Variants in RBFOX1 observed in about 807,000 individuals in gnomAD.
RBFOX1 encodes the protein RNA binding protein fox-1 homolog 1.
In RBFOX1, 8 loss-of-function variants were observed where a neutral mutation model predicts 57.7. The ratio of observed to expected loss-of-function variants is 0.14; its 90% CI spans 0.08 to 0.25. RBFOX1 has a LOEUF of 0.25. RBFOX1 is among the 10% of genes least tolerant of loss of function. The pLI is 1.00. For synonymous variants in RBFOX1, 326 were observed against 222.4 expected (o/e 1.47, Z -4.15); for missense variants, 611 against 548.5 (o/e 1.11, Z -1.14).
intron 3 of RBFOX1, among the ~76,000 whole-genome samples, chr16:5,663,487 G>A (rs1314798555): frequency 6.6e-6 from 1 of 151,972 alleles, no homozygotes; most frequent in African/African-American, 2.4e-5. Flanking sequence ...TTAAATGCAT[G>A]AGCTACCACA....
chr16:5,567,498 C>A (rs1397110220), intron 2 of RBFOX1, among the ~76,000 whole-genome samples: 1 of 151,924 alleles, frequency 6.6e-6, no homozygotes, highest in East Asian at 1.9e-4. Context: ...CACCACCTGC[C>A]CCTGGTCATA....
chr16:5,364,881 G>A (rs1041853257), intron 1 of RBFOX1, among the ~76,000 whole-genome samples: 10 of 152,112 alleles, frequency 6.6e-5, no homozygotes, highest in South Asian at 4.2e-4. Context: ...TCTGTGAAAC[G>A]CACCTGCTTG....
At chr16:6,690,488 A>G (rs2060045178) in intron 3 of RBFOX1, among the ~76,000 whole-genome samples, 2 of 152,158 alleles carry the variant, frequency 1.3e-5, no homozygotes, top group South Asian at 4.1e-4. Flanking sequence ...AAAAAATAAA[A>G]TTAACCTATT....
chr16:7,470,414 T>C (rs752289417), intron 4 of RBFOX1, among the ~76,000 whole-genome samples: 1 of 152,124 alleles, frequency 6.6e-6, no homozygotes, highest in Non-Finnish European at 1.5e-5. Context: ...GTTGGTTGGA[T>C]GGATGGATAG....
At chr16:6,178,072 G>C (rs1191891713) in intron 1 of RBFOX1, among the ~76,000 whole-genome samples, 4 of 151,314 alleles carry the variant, frequency 2.6e-5, no homozygotes, top group African/African-American at 9.7e-5. Context: ...CCTAAAATAT[G>C]ATTGCTTCCT....
intron 2 of RBFOX1, among the ~76,000 whole-genome samples, chr16:6,604,291 T>G (rs2097896198): frequency 6.6e-6 from 1 of 152,206 alleles, no homozygotes; most frequent in South Asian, 2.1e-4. Context: ...AAAACCTCAA[T>G]AAATATTATT....
At chr16:7,463,329 C>G (rs891135950) in intron 4 of RBFOX1, among the ~76,000 whole-genome samples, 1 of 152,122 alleles carries the variant, frequency 6.6e-6, no homozygotes, top group African/African-American at 2.4e-5. Context: ...CATGGTGTAA[C>G]CACATTTCTA....
intron 3 of RBFOX1, among the ~76,000 whole-genome samples, chr16:6,917,673 G>T (rs1249540428): frequency 3.9e-5 from 6 of 152,214 alleles, no homozygotes; most frequent in Non-Finnish European, 8.8e-5. Flanking sequence ...TTTTGAAGGA[G>T]GGTCTGTGTG....
intron 3 of RBFOX1, among the ~76,000 whole-genome samples, chr16:6,952,645 C>T (rs2081000547): frequency 6.6e-6 from 1 of 151,588 alleles, no homozygotes; most frequent in Non-Finnish European, 1.5e-5. Context: ...CTCCCTCCTC[C>T]CTCCAAAAAA....
At chr16:5,473,538 G>A (rs2069211441) in intron 2 of RBFOX1, among the ~76,000 whole-genome samples, 1 of 151,984 alleles carries the variant, frequency 6.6e-6, no homozygotes, top group Non-Finnish European at 1.5e-5. Flanking sequence ...TGCATGGGTG[G>A]GTAGGTGGAT....
intron 3 of RBFOX1, among the ~76,000 whole-genome samples, chr16:6,960,152 GT>G (rs1425787524): frequency 1.3e-5 from 2 of 151,960 alleles, no homozygotes; most frequent in Non-Finnish European, 2.9e-5. Flanking sequence ...AGTTTTTTGG[GT>G]TTCTAAAGGA....
chr16:7,197,159 C>G (rs564178074), intron 4 of RBFOX1, among the ~76,000 whole-genome samples: 2 of 152,162 alleles, frequency 1.3e-5, no homozygotes, highest in Admixed American at 6.5e-5. Context: ...CTAGCGTTCT[C>G]TGGTTTCTCC....
intron 3 of RBFOX1, among the ~76,000 whole-genome samples, chr16:6,857,658 T>G (rs1166573605): frequency 2.0e-5 from 3 of 152,196 alleles, no homozygotes; most frequent in African/African-American, 7.2e-5. Context: ...TAAGGCTACA[T>G]GGAAACTTAC....
rs1412984138 is a variant in RBFOX1 at position 5,467,192 on chromosome 16, CTCTCT to C, written c.220-22_220-18del. ...ATGTTTCTTCTCTCTCTCTCTCTCTCTCTCTTTTTTTTTTTTAATGCAGGATCTAC... is the reference window on the plus strand; with the variant it reads ...ATGTTTCTTCTCTCTCTCTCTCTCTCTTTTTTTTTTTAATGCAGGATCTAC... On this transcript the variant is annotated intron_variant, in intron 1 of 2. Coordinates refer to the RBFOX1 transcript ENST00000585867. 1.5e-5 allele frequency: 22 copies of C among 1,463,702 alleles called. No individual in the cohort carries two copies. The East Asian group carries it at 2.2e-4, about 15-fold the overall frequency. The allele number at this position is 1,463,702 out of a possible 1,614,324, so 90.7% of individuals were successfully genotyped here.
chr16:5,310,904 G>T (rs1196059629), intron 1 of RBFOX1, among the ~76,000 whole-genome samples: 1 of 152,148 alleles, frequency 6.6e-6, no homozygotes, highest in Non-Finnish European at 1.5e-5. Context: ...TAGGTGAATT[G>T]TGTAGAAGTG....
intron 3 of RBFOX1, among the ~76,000 whole-genome samples, chr16:6,759,121 A>C (rs1049819297): frequency 6.6e-6 from 1 of 151,208 alleles, no homozygotes; most frequent in Non-Finnish European, 1.5e-5. Flanking sequence ...GGAGTAGAAA[A>C]AGTGGAGTTT....
intron 4 of RBFOX1, among the ~76,000 whole-genome samples, chr16:7,396,078 G>A (rs1400501470): frequency 1.3e-5 from 2 of 152,052 alleles, no homozygotes; most frequent in African/African-American, 2.4e-5. Context: ...GATTCCCCAG[G>A]GTGCTCTCAG....
intron 3 of RBFOX1, among the ~76,000 whole-genome samples, chr16:6,661,948 C>G (rs954507276): frequency 3.9e-5 from 6 of 152,026 alleles, no homozygotes; most frequent in African/African-American, 1.2e-4. Flanking sequence ...TATTATTTAG[C>G]CATTGAAACG....
intron 3 of RBFOX1, among the ~76,000 whole-genome samples, chr16:6,879,253 G>T (rs1397097772): frequency 6.6e-6 from 1 of 152,138 alleles, no homozygotes; most frequent in Non-Finnish European, 1.5e-5. Flanking sequence ...TTGGCTTTCA[G>T]TGAATTTATT....
Sources: gnomAD v4.1 joint callset for allele counts (sites outside exome capture counted in the v4.1 genomes callset) on GRCh38, gnomAD v4.1.1 for gene constraint, MANE v1.5 for transcripts, NCBI Gene and HGNC (gene_info 2026-07-23, HGNC 2026-07-21) for gene names.